Variants in CCDC85A observed in about 807,000 individuals in gnomAD.
The protein encoded by CCDC85A is coiled-coil domain containing 85A, also known as coiled-coil domain-containing protein 85A.
A neutral mutation model predicts 50.2 loss-of-function variants in CCDC85A; 38 were observed. That is an observed-to-expected ratio of 0.76 (90% CI 0.58 to 0.99). The LOEUF is 0.99. Ranked by LOEUF, CCDC85A falls within the 50% of genes least tolerant of loss-of-function variation. CCDC85A has a pLI of 0.00. For synonymous variants in CCDC85A, 366 were observed against 301.4 expected (o/e 1.21, Z -2.22); for missense variants, 820 against 742.0 (o/e 1.11, Z -1.22).
rs1421533877 is a variant in CCDC85A at position 56,184,536 on chromosome 2, G to A, written c.-89G>A. 2 of 1,321,214 alleles carry A rather than the reference G, an allele frequency of 1.5e-6. No individual in the cohort carries two copies. The highest frequency in any genetic ancestry group is 1.9e-6 in the Non-Finnish European group (2 of 1,033,266). 81.8% of individuals were successfully genotyped at this position (1,321,214 alleles called of 1,614,324 possible). A position where few individuals can be genotyped will look rare whatever the true frequency, so the allele number is the denominator to read the frequency against. ...CGCTGACTCGCCGGAGCGCACAGGG[G>A]TGTGGGCGGAGGCGGCCTCGCCGCG... On this transcript the variant is annotated 5_prime_UTR_variant, in exon 1 of 6. It adds an upstream start codon to the 5' untranslated region. Coordinates refer to ENST00000407595, the MANE Select transcript of CCDC85A (RefSeq NM_001080433.2).
At chr2:56,289,399 G>T (rs1324540838) in intron 2 of CCDC85A, among the ~76,000 whole-genome samples, 1 of 152,136 alleles carries the variant, frequency 6.6e-6, no homozygotes, top group African/African-American at 2.4e-5. Flanking sequence ...GTTACCCCAG[G>T]TTGGGTTGAA....
intron 2 of CCDC85A, among the ~76,000 whole-genome samples, chr2:56,286,342 A>G (rs1310983454): frequency 2.0e-5 from 3 of 152,142 alleles, no homozygotes; most frequent in African/African-American, 4.8e-5. Context: ...TCTGTCAGCT[A>G]ACAATTGCAC....
In CCDC85A at chr2:56,298,296, G is replaced by C. The variant is rs184127653; in HGVS notation, c.1241-44583G>C. Among the ~76,000 whole-genome samples, 3 of 152,190 alleles carry C rather than the reference G, an allele frequency of 2.0e-5. No individual in the cohort carries two copies. The East Asian group carries it at 5.8e-4, about 29-fold the overall frequency. ...AGGTAATTACAGAAGTGAGGGTTCT[G>C]GTGTGTGAATAAATGCTAGACAGAC... On this transcript the variant is annotated intron_variant, in intron 2 of 5. Transcript: ENST00000407595.
chr2:56,334,346 T>G (rs1673970625), intron 2 of CCDC85A, among the ~76,000 whole-genome samples: 2 of 152,172 alleles, frequency 1.3e-5, no homozygotes, highest in African/African-American at 4.8e-5. Context: ...TAAAGTAAAT[T>G]ACCAAATATT....
At chr2:56,193,809 T>C (rs1322922434) in intron 2 of CCDC85A, among the ~76,000 whole-genome samples, 1 of 152,208 alleles carries the variant, frequency 6.6e-6, no homozygotes, top group Non-Finnish European at 1.5e-5. Context: ...GTGTGCTGTT[T>C]CCTACCAGAG....
Position 56,192,942 on chromosome 2 carries a change from C to G in CCDC85A, c.742C>G (p.His248Asp), listed in dbSNP as rs1168327134. The part of the protein sequence containing the change: ...QKPRSEGSPE[H>D]SKHRSASPEH... ...GCCCCGGAGCGAGGGCAGCCCGGAGCACTCCAAGCACAGGAGCGCCAGCCC... is the reference window on the plus strand; with the variant it reads ...GCCCCGGAGCGAGGGCAGCCCGGAGGACTCCAAGCACAGGAGCGCCAGCCC... Residue 248 changes from histidine (H) to aspartate (D), a missense_variant, in exon 2 of 6, where the codon CAC becomes GAC. Physicochemically the swap from His to Asp is moderately conservative, Grantham distance 81. Coordinates refer to ENST00000407595, the MANE Select transcript of CCDC85A (RefSeq NM_001080433.2). This position sits in a 1 kb window ranked among gnomAD's most constrained non-coding sequence, Gnocchi z 4.7. 6.2e-7 allele frequency: 1 copy of G among 1,613,314 alleles called. No individual in the cohort carries two copies. The highest frequency in any genetic ancestry group is 1.7e-5 in the Admixed American group (1 of 59,984).
chr2:56,214,995 A>C (rs72801184), intron 2 of CCDC85A, among the ~76,000 whole-genome samples: 3 of 151,882 alleles, frequency 2.0e-5, no homozygotes, highest in African/African-American at 7.3e-5. Context: ...GAGTCTTCCA[A>C]TCCATGAACA....
chr2:56,379,705 G>A, intron 5 of CCDC85A: 1 of 671,516 alleles, frequency 1.5e-6, no homozygotes, highest in Non-Finnish European at 1.8e-6. Flanking sequence ...TAACTAACAA[G>A]CTTTTTTCCA....
chr2:56,228,444 C>G (rs77549035), intron 2 of CCDC85A, among the ~76,000 whole-genome samples: 1 of 152,012 alleles, frequency 6.6e-6, no homozygotes, highest in East Asian at 1.9e-4. Context: ...TAAATATTTA[C>G]TTTTATTATT....
At chr2:56,272,000 T>A (rs538723148) in intron 2 of CCDC85A, among the ~76,000 whole-genome samples, 24 of 152,242 alleles carry the variant, frequency 1.6e-4, no homozygotes, top group Non-Finnish European at 3.4e-4. Flanking sequence ...AGGAGGTGGG[T>A]AGTGAGGAGT....
At chr2:56,190,946 C>T (rs1205256640) in intron 1 of CCDC85A, among the ~76,000 whole-genome samples, 6 of 152,196 alleles carry the variant, frequency 3.9e-5, no homozygotes, top group East Asian at 3.9e-4. Context: ...AAGCCTTTCC[C>T]GTCGCTGACC....
chr2:56,324,577 C>A (rs892957125), intron 2 of CCDC85A, among the ~76,000 whole-genome samples: 4 of 152,072 alleles, frequency 2.6e-5, no homozygotes, highest in African/African-American at 4.8e-5. Context: ...TAGAATGTCT[C>A]ACTCAAACCA....
chr2:56,329,945 G>GTT lies in CCDC85A; in HGVS notation c.1241-12899_1241-12898dup, dbSNP rs535050957. Among the ~76,000 whole-genome samples, 170 of 44,110 alleles carry GTT rather than the reference G, an allele frequency of 3.9e-3. 24 individuals are homozygous for GTT. Among genetic ancestry groups the GTT allele is most frequent in the Non-Finnish European group, 5.4e-3 (113 of 20,850 alleles). The allele number at this position is 44,110 out of a possible 152,430, so 28.9% of individuals were successfully genotyped here. ...AAAATTTGTTTTTTACAGATTTCCT[G>GTT]TTTTTTTTTTTTTTTTTTTTTTTTT... On this transcript the variant is annotated intron_variant, in intron 2 of 5. Transcript: ENST00000407595.
Position 56,363,357 on chromosome 2 carries a change from C to T in CCDC85A, c.1318-8987C>T, listed in dbSNP as rs549529593. Among the ~76,000 whole-genome samples the T allele has an allele frequency of 3.9e-5, 6 of 152,272 alleles. No individual in the cohort carries two copies. In the East Asian group the frequency reaches 1.2e-3, roughly 30 times the overall value. On this transcript the variant is annotated intron_variant, in intron 3 of 5. Coordinates refer to ENST00000407595, the MANE Select transcript of CCDC85A (RefSeq NM_001080433.2). ...TTTTGGCTACTCTCGTTTCTGTAAACATTTAAGCATAAGATCATTGCTAAC... is the reference window on the plus strand; with the variant it reads ...TTTTGGCTACTCTCGTTTCTGTAAATATTTAAGCATAAGATCATTGCTAAC...
intron 5 of CCDC85A, among the ~76,000 whole-genome samples, chr2:56,383,217 A>T (rs1330447769): frequency 4.6e-5 from 7 of 151,996 alleles, no homozygotes; most frequent in Non-Finnish European, 1.0e-4. Context: ...TCCCTGTAGT[A>T]TCCACTTCTA....
At chr2:56,230,529 A>G (rs951745972) in intron 2 of CCDC85A, among the ~76,000 whole-genome samples, 3 of 152,134 alleles carry the variant, frequency 2.0e-5, no homozygotes, top group Admixed American at 1.3e-4. Context: ...TTGAAGCTCT[A>G]TGTTGGAAAT....
chr2:56,206,370 T>A (rs1427686210), intron 2 of CCDC85A, among the ~76,000 whole-genome samples: 1 of 152,184 alleles, frequency 6.6e-6, no homozygotes, highest in Non-Finnish European at 1.5e-5. Context: ...GTTAGTTCAT[T>A]TTGTGTTGCT....
chr2:56,309,602 A>G (rs1390662730), intron 2 of CCDC85A, among the ~76,000 whole-genome samples: 2 of 152,214 alleles, frequency 1.3e-5, no homozygotes, highest in African/African-American at 2.4e-5. Flanking sequence ...TAGGACAGAT[A>G]AGTAAACTGG....
At chr2:56,257,785 G>C (rs771681084) in intron 2 of CCDC85A, among the ~76,000 whole-genome samples, 1 of 152,208 alleles carries the variant, frequency 6.6e-6, no homozygotes, top group Non-Finnish European at 1.5e-5. Context: ...CATGAGAAAT[G>C]ATGAGGATCT....
Sources: allele counts gnomAD v4.1 joint callset (sites outside exome capture counted in the v4.1 genomes callset), GRCh38; gene constraint gnomAD v4.1.1; non-coding constraint Gnocchi (gnomAD v3.1); transcripts MANE v1.5; gene names NCBI Gene and HGNC (gene_info 2026-07-23, HGNC 2026-07-21).